Variants in CHRNG observed in about 807,000 individuals in gnomAD.
CHRNG encodes acetylcholine receptor subunit gamma.
In CHRNG, 72 loss-of-function variants were observed where a neutral mutation model predicts 65.2. The observed-to-expected ratio is 1.10, with a 90% confidence interval of 0.91 to 1.34. The LOEUF (loss-of-function observed/expected upper bound fraction) is 1.34. CHRNG is among the 40% of genes most tolerant of loss of function. The pLI is 0.00. For missense variants in CHRNG, 637 were observed against 680.1 expected, an observed-to-expected ratio of 0.94 and a Z score of 0.70; for synonymous variants, 284 against 290.2, an observed-to-expected ratio of 0.98 and a Z score of 0.22.
chr2:232,542,058 A>T (rs553677584), intron 5 of CHRNG, among the ~76,000 whole-genome samples: 1 of 152,262 alleles, frequency 6.6e-6, no homozygotes, highest in East Asian at 1.9e-4. Flanking sequence ...CAAACCTGGC[A>T]GGGAGACTCC....
In CHRNG at chr2:232,543,647, A is replaced by G. The variant is rs372687247; in HGVS notation, c.983A>G (p.Asn328Ser). The G allele has an allele frequency of 2.6e-5, 42 of 1,613,724 alleles. No homozygotes were observed. The highest frequency in any genetic ancestry group is 3.2e-5 in the Non-Finnish European group (38 of 1,179,866). Residue 328 changes from asparagine (N) to serine (S), a missense_variant, in exon 9 of 12, where the codon AAT becomes AGT. Physicochemically the swap from Asn to Ser is conservative, Grantham distance 46. Coordinates refer to ENST00000651502, the MANE Select transcript of CHRNG (RefSeq NM_005199.5). ...GTCGTGAATGCTGTGGTTGTGCTCAATGTCTCCTTGCGGTCTCCACACACA... is the reference window on the plus strand; with the variant it reads ...GTCGTGAATGCTGTGGTTGTGCTCAGTGTCTCCTTGCGGTCTCCACACACA... ...LIVVNAVVVL[N>S]VSLRSPHTHS...
Position 232,540,618 on chromosome 2 carries a change from G to T in CHRNG, c.257G>T (p.Arg86Leu), listed in dbSNP as rs550521607. Residue 86 changes from arginine to leucine, a missense_variant, in exon 4 of 12, where the codon CGC becomes CTC. Physicochemically the swap from Arg to Leu is moderately radical, Grantham distance 102. Transcript: ENST00000651502. This position sits in a 1 kb window ranked among gnomAD's most constrained non-coding sequence, Gnocchi z 4.2. ...CCCCTGCAGCAGTGGTGCGACTATC[G>T]CCTGCGCTGGGATCCGCGAGACTAC... is the stretch of plus-strand genomic sequence containing the variant. ...VWIEMQWCDYRLRWDPRDYEG... is the reference protein window; with the variant it reads ...VWIEMQWCDYLLRWDPRDYEG... The T allele has an allele frequency of 6.2e-7, 1 of 1,612,246 alleles. No individual in the cohort carries two copies. Among genetic ancestry groups the T allele is most frequent in the South Asian group, 1.1e-5 (1 of 91,072 alleles).
rs367938116 is a variant in CHRNG at position 232,543,083 on chromosome 2, G to A, written c.805+1G>A. 12 of 1,613,802 alleles carry A rather than the reference G, an allele frequency of 7.4e-6. No individual in the cohort carries two copies. The highest frequency in any genetic ancestry group is 8.5e-6 in the Non-Finnish European group (10 of 1,179,820). On this transcript the variant is annotated splice_donor_variant, in intron 7 of 11. Coordinates refer to ENST00000651502, the MANE Select transcript of CHRNG (RefSeq NM_005199.5). LOFTEE classifies it high-confidence loss of function. ...CTCATCCACTTCCTTCCTGCCAAGG[G>A]TACCTGGAGCCTATGGGAAGGAGCC...
Position 232,541,011 on chromosome 2 carries a change from G to A in CHRNG, c.350+300G>A, listed in dbSNP as rs968762292. 2.6e-5 allele frequency among the ~76,000 whole-genome samples: 4 copies of A among 152,092 alleles called. No individual in the cohort carries two copies. Among genetic ancestry groups the A allele is most frequent in the South Asian group, 2.1e-4 (1 of 4,828 alleles). On this transcript the variant is annotated intron_variant, in intron 4 of 11. Transcript: ENST00000651502. This position sits in a 1 kb window ranked among gnomAD's most constrained non-coding sequence, Gnocchi z 4.0. ...GCTGACGGGTCCTATAGAAGCTGGC[G>A]AGAGTCAACAAGACAGGCATGAAAA...
In CHRNG at chr2:232,541,212, G is replaced by A. The variant is rs912534302; in HGVS notation, c.351-162G>A. On this transcript the variant is annotated intron_variant, in intron 4 of 11. Coordinates refer to ENST00000651502, the MANE Select transcript of CHRNG (RefSeq NM_005199.5). The surrounding 1 kb of genome is among the most constrained non-coding windows in gnomAD (Gnocchi z 4.0). ...CGGGGGGTGGCAGGAGGATTGCTGGGGGGACCTAGTGGTCCGGGTGGGAAC... is the reference window on the plus strand; with the variant it reads ...CGGGGGGTGGCAGGAGGATTGCTGGAGGGACCTAGTGGTCCGGGTGGGAAC... 6.6e-5 allele frequency among the ~76,000 whole-genome samples: 10 copies of A among 151,552 alleles called. No individual in the cohort carries two copies. The highest frequency in any genetic ancestry group is 1.9e-4 in the African/African-American group (8 of 41,174).
chr2:232,546,011 G>C lies in CHRNG; in HGVS notation c.*295G>C. The C allele has an allele frequency of 1.9e-6, 1 of 525,894 alleles. No homozygotes were observed. The highest frequency in any genetic ancestry group is 5.3e-4 in the Middle Eastern group (1 of 1,882). The allele number at this position is 525,894 out of a possible 1,614,324, so 32.6% of individuals were successfully genotyped here. A position where few individuals can be genotyped will look rare whatever the true frequency, so the allele number is the denominator to read the frequency against. On this transcript the variant is annotated 3_prime_UTR_variant, in exon 12 of 12. Transcript: ENST00000651502. ...AGTGCACTCCCCTCACTTAGGCAAA[G>C]CATTATTCATTCCCATCAGTCTGAA...
rs376314818 is a variant in CHRNG, at chr2:232,540,103, A to C, written c.167A>C (p.Lys56Thr). The C allele has an allele frequency of 3.8e-5, 61 of 1,614,072 alleles. No homozygotes were observed. The highest frequency in any genetic ancestry group is 3.3e-4 in the Middle Eastern group (2 of 6,084). ...RDSDVVNVSL[K>T]LTLTNLISLN... Reference sequence around the variant, plus strand: ...TCGGATGTGGTCAATGTCAGCCTGAAGCTAACCCTCACCAACCTCATCTCC... The same window carrying C: ...TCGGATGTGGTCAATGTCAGCCTGACGCTAACCCTCACCAACCTCATCTCC... The change falls in exon 2 of 12, where the codon AAG becomes ACG. Residue 56 changes from lysine (K) to threonine (T), a missense_variant. By Grantham distance (78) the Lys-to-Thr change is moderately conservative (BLOSUM62 -1). Transcript: ENST00000651502. This position sits in a 1 kb window ranked among gnomAD's most constrained non-coding sequence, Gnocchi z 4.2.
In CHRNG at chr2:232,546,056, A is replaced by G; in HGVS notation, c.*340A>G. The stretch of plus-strand genomic sequence containing the variant: ...TCTGAAGCCCGAAGGACTGTTTTGT[A>G]TAATACCTTCGGACTTGGGACTGGC... On this transcript the variant is annotated 3_prime_UTR_variant, in exon 12 of 12. Coordinates refer to ENST00000651502, the MANE Select transcript of CHRNG (RefSeq NM_005199.5). 1 of 408,798 alleles carries G rather than the reference A, an allele frequency of 2.4e-6. No individual in the cohort carries two copies. Among genetic ancestry groups the G allele is most frequent in the Non-Finnish European group, 4.6e-6 (1 of 215,334 alleles). 25.3% of individuals were successfully genotyped at this position (408,798 alleles called of 1,614,324 possible).
intron 9 of CHRNG, 77 bp downstream of exon 9, chr2:232,543,776 C>G (rs1239174777): frequency 1.1e-6 from 1 of 884,920 alleles, no homozygotes; most frequent in Non-Finnish European, 1.9e-6. Flanking sequence ...CCCGGCAGTA[C>G]TCACCTGTGG....
chr2:232,542,182 C>T (rs1181857522), intron 5 of CHRNG, among the ~76,000 whole-genome samples: 1 of 152,178 alleles, frequency 6.6e-6, no homozygotes, highest in Non-Finnish European at 1.5e-5. Context: ...ACCCTGGGCC[C>T]ATCAGCCAGG....
In CHRNG at chr2:232,540,026, C is replaced by A. The variant is rs778912401; in HGVS notation, c.90C>A (p.Leu30=). The part of the protein sequence containing the change: ...AQGRNQEERL[L]ADLMQNYDPN... ...GCCGGAACCAGGAGGAGCGCCTGCT[C>A]GCAGACCTGATGCAAAACTACGACC... The change falls in exon 2 of 12, where the codon CTC becomes CTA. Residue 30 remains leucine, a synonymous_variant. Coordinates refer to ENST00000651502, the MANE Select transcript of CHRNG (RefSeq NM_005199.5). This position sits in a 1 kb window ranked among gnomAD's most constrained non-coding sequence, Gnocchi z 4.2. 3 of 1,614,210 alleles carry A rather than the reference C, an allele frequency of 1.9e-6. No individual in the cohort carries two copies. Among genetic ancestry groups the A allele is most frequent in the South Asian group, 2.2e-5 (2 of 91,088 alleles).
intron 7 of CHRNG, 77 bp downstream of exon 7, chr2:232,543,159 G>C: frequency 1.3e-6 from 2 of 1,540,256 alleles, no homozygotes; most frequent in East Asian, 2.2e-5. Context: ...CCTGCCTGGG[G>C]AACAGAGTGG....
chr2:232,545,562 T>G lies in CHRNG; in HGVS notation c.1400T>G (p.Leu467Arg). The G allele has an allele frequency of 1.2e-6, 2 of 1,613,966 alleles. No homozygotes were observed. The highest frequency in any genetic ancestry group is 1.7e-6 in the Non-Finnish European group (2 of 1,180,002). Residue 467 changes from leucine to arginine, a missense_variant, in exon 12 of 12, where the codon CTG becomes CGG. Physicochemically the swap from Leu to Arg is moderately radical, Grantham distance 102. Transcript: ENST00000651502. The part of the protein sequence containing the change: ...HFDNGNEEWF[L>R]VGRVLDRVCF... The stretch of plus-strand genomic sequence containing the variant: ...CCTCAGGGGAATGAGGAGTGGTTCC[T>G]GGTGGGCCGAGTGCTGGACCGCGTC...
At chr2:232,545,493 G>C (rs750325784) in intron 11 of CHRNG, 50 bp from the exon 12 acceptor site, 1 of 1,541,104 alleles carries the variant, frequency 6.5e-7, no homozygotes, top group South Asian at 1.1e-5. Flanking sequence ...AGGACCCAGG[G>C]AAGACCTGGT....
Position 232,542,443 on chromosome 2 carries a change from A to C in CHRNG, c.527A>C (p.Asn176Thr). 1 of 1,613,784 alleles carries C rather than the reference A, an allele frequency of 6.2e-7. No homozygotes were observed. Among genetic ancestry groups the C allele is most frequent in the Non-Finnish European group, 8.5e-7 (1 of 1,179,736 alleles). Residue 176 changes from asparagine to threonine, a missense_variant, in exon 6 of 12, where the codon AAT (asparagine) becomes ACT (threonine). Asn to Thr is a moderately conservative substitution (Grantham distance 65). Coordinates refer to ENST00000651502, the MANE Select transcript of CHRNG (RefSeq NM_005199.5). ...LIFQSQTYST[N>T]EIDLQLSQED... Reference sequence around the variant, plus strand: ...CCCAGGTCCCAGACTTACAGCACCAATGAGATTGATCTGCAGCTGAGTCAG... The same window carrying C: ...CCCAGGTCCCAGACTTACAGCACCACTGAGATTGATCTGCAGCTGAGTCAG...
Position 232,543,055 on chromosome 2 carries a change from A to G in CHRNG, c.778A>G (p.Ile260Val). Residue 260 changes from isoleucine (I) to valine (V), a missense_variant, in exon 7 of 12, where the codon ATC becomes GTC. By Grantham distance (29) the Ile-to-Val change is conservative. Coordinates refer to ENST00000651502, the MANE Select transcript of CHRNG (RefSeq NM_005199.5). Reference sequence around the variant, plus strand: ...CTGTGTGCTCATCTCCTCTGTCGCCATCCTCATCCACTTCCTTCCTGCCAA... The same window carrying G: ...CTGTGTGCTCATCTCCTCTGTCGCCGTCCTCATCCACTTCCTTCCTGCCAA... ...APCVLISSVA[I>V]LIHFLPAKAG... The G allele has an allele frequency of 6.2e-7, 1 of 1,614,190 alleles. No individual in the cohort carries two copies. Among genetic ancestry groups the G allele is most frequent in the Non-Finnish European group, 8.5e-7 (1 of 1,180,024 alleles).
intron 6 of CHRNG, 139 bp from the exon 7 acceptor site, chr2:232,542,743 C>A (rs1241664438): frequency 1.3e-6 from 1 of 771,400 alleles, no homozygotes; most frequent in Non-Finnish European, 2.2e-6. Flanking sequence ...TCTCCCACCC[C>A]ACTTCTGTCC....
rs767544170 is a variant in CHRNG, at chr2:232,544,864, A to C, written c.1342A>C (p.Ile448Leu). 1.2e-6 allele frequency: 2 copies of C among 1,613,834 alleles called. No individual in the cohort carries two copies. The highest frequency in any genetic ancestry group is 2.7e-5 in the African/African-American group (2 of 74,908). ...GGCCTGTGTGGAAGCCTGCAACCTC[A>C]TTGCCTGTGCCCGGCACCAGCAGAG... ...IQACVEACNLIACARHQQSHF... is the reference protein window; with the variant it reads ...IQACVEACNLLACARHQQSHF... The change falls in exon 11 of 12, where the codon ATT becomes CTT. Residue 448 changes from isoleucine (I) to leucine (L), a missense_variant. Coordinates refer to ENST00000651502, the MANE Select transcript of CHRNG (RefSeq NM_005199.5).
At position 232,545,974 on chromosome 2, in the gene CHRNG, A is replaced by G. The variant is rs1339241705; in HGVS notation, c.*258A>G. On this transcript the variant is annotated 3_prime_UTR_variant, in exon 12 of 12. Coordinates refer to ENST00000651502, the MANE Select transcript of CHRNG (RefSeq NM_005199.5). ...TGGCTAGCTCATCCTGGCACCAGCC[A>G]CCCCTCCACTCAGTGCACTCCCCTC... The G allele has an allele frequency of 3.3e-6, 2 of 601,188 alleles. No homozygotes were observed. The highest frequency in any genetic ancestry group is 1.8e-5 in the African/African-American group (1 of 54,782). 37.2% of individuals were successfully genotyped at this position (601,188 alleles called of 1,614,324 possible). A position where few individuals can be genotyped will look rare whatever the true frequency, so the allele number is the denominator to read the frequency against.
Sources: gnomAD v4.1 joint callset for allele counts (sites outside exome capture counted in the v4.1 genomes callset) on GRCh38, gnomAD v4.1.1 for gene constraint, Gnocchi (gnomAD v3.1) non-coding constraint, MANE v1.5 for transcripts, NCBI Gene and HGNC (gene_info 2026-07-23, HGNC 2026-07-21) for gene names.